SGIP1: variants seen among roughly 807,000 people sequenced by gnomAD.
The protein encoded by SGIP1 is SH3GL interacting endocytic adaptor 1, also known as SH3-containing GRB2-like protein 3-interacting protein 1.
In SGIP1, 38 loss-of-function variants were observed where a neutral mutation model predicts 107.5. The ratio of observed to expected loss-of-function variants is 0.35; its 90% CI spans 0.27 to 0.46. The LOEUF is 0.46. SGIP1 is among the 20% of genes least tolerant of loss of function. SGIP1 has a pLI of 1.00. For missense variants in SGIP1, 929 were observed against 1,019.5 expected, an observed-to-expected ratio of 0.91 and a Z score of 1.21; for synonymous variants, 365 against 366.1, an observed-to-expected ratio of 1.00 and a Z score of 0.03.
chr1:66,750,020 T>C lies in SGIP1; in HGVS notation c.*6925T>C, dbSNP rs2094602836. ...TTCTCTCTCTCTCTCTCTCTCTTTC[T>C]CTGTGTGTGTGTGGGGGTGTGTGTG... is the stretch of plus-strand genomic sequence containing the variant. On this transcript the variant is annotated 3_prime_UTR_variant, in exon 25 of 25. Transcript: ENST00000371037. Among the ~76,000 whole-genome samples, 1 of 82,092 alleles carries C rather than the reference T, an allele frequency of 1.2e-5. No individual in the cohort carries two copies. The highest frequency in any genetic ancestry group is 3.3e-4 in the South Asian group (1 of 3,066). 53.9% of individuals were successfully genotyped at this position (82,092 alleles called of 152,430 possible). A position where few individuals can be genotyped will look rare whatever the true frequency, so the allele number is the denominator to read the frequency against.
intron 18 of SGIP1, among the ~76,000 whole-genome samples, chr1:66,715,940 A>G (rs932444034): frequency 1.3e-5 from 2 of 152,208 alleles, no homozygotes; most frequent in African/African-American, 4.8e-5. Context: ...TGATCATCAT[A>G]AAAGTAGCTA....
intron 18 of SGIP1, among the ~76,000 whole-genome samples, chr1:66,702,955 G>A (rs1312387814): frequency 6.6e-6 from 1 of 152,160 alleles, no homozygotes; most frequent in African/African-American, 2.4e-5. Context: ...AACCAAATGG[G>A]GAACTAACAA....
rs528115926 is a variant in SGIP1 at position 66,632,301 on chromosome 1, G to A, written c.75-769G>A. On this transcript the variant is annotated intron_variant, in intron 2 of 24. Coordinates refer to ENST00000371037, the MANE Select transcript of SGIP1 (RefSeq NM_032291.4). ...AGTGCCACCATAGAATAGCTGCCCC[G>A]GGCTTTAGTCATCAGAAGGAGGCAT... 3.9e-5 allele frequency among the ~76,000 whole-genome samples: 6 copies of A among 152,248 alleles called. 1 individual carries two copies. Among genetic ancestry groups the A allele is most frequent in the Admixed American group, 2.0e-4 (3 of 15,288 alleles).
At chr1:66,581,729 C>A (rs564684097) in intron 1 of SGIP1, among the ~76,000 whole-genome samples, 3 of 151,918 alleles carry the variant, frequency 2.0e-5, no homozygotes, top group Non-Finnish European at 4.4e-5. Flanking sequence ...TTTTGTACTC[C>A]CTGCTGAAGA....
intron 12 of SGIP1, among the ~76,000 whole-genome samples, chr1:66,674,570 A>G (rs1031539858): frequency 6.6e-6 from 1 of 152,168 alleles, no homozygotes; most frequent in African/African-American, 2.4e-5. Flanking sequence ...TAACAAAGAG[A>G]CCCCAAGTAC....
At chr1:66,601,078 T>C (rs1008905019) in intron 1 of SGIP1, among the ~76,000 whole-genome samples, 1 of 152,092 alleles carries the variant, frequency 6.6e-6, no homozygotes, top group African/African-American at 2.4e-5. Context: ...TCAAAAGAAG[T>C]AAAGGCCGGG....
chr1:66,697,447 T>A lies in SGIP1; in HGVS notation c.1630+1954T>A, dbSNP rs570926327. Among the ~76,000 whole-genome samples, 18 of 152,332 alleles carry A rather than the reference T, an allele frequency of 1.2e-4. No individual in the cohort carries two copies. The South Asian group carries it at 3.5e-3, about 30-fold the overall frequency. On this transcript the variant is annotated intron_variant, in intron 18 of 24. Coordinates refer to ENST00000371037, the MANE Select transcript of SGIP1 (RefSeq NM_032291.4). ...AGAAATTAATTGGAATCTCTAGTACTGTATTATCTTAATCTTGGACTTTGT... is the reference window on the plus strand; with the variant it reads ...AGAAATTAATTGGAATCTCTAGTACAGTATTATCTTAATCTTGGACTTTGT...
chr1:66,663,673 T>TAC (rs1557522160), intron 8 of SGIP1, among the ~76,000 whole-genome samples: 1 of 152,206 alleles, frequency 6.6e-6, no homozygotes, highest in East Asian at 1.9e-4. Flanking sequence ...TTAATCAGCC[T>TAC]GTGACTACAT....
At chr1:66,721,544 G>A (rs998934622) in intron 19 of SGIP1, among the ~76,000 whole-genome samples, 2 of 152,100 alleles carry the variant, frequency 1.3e-5, no homozygotes, top group Non-Finnish European at 2.9e-5. Context: ...GAGTAGCTGG[G>A]ACTACAGGCA....
chr1:66,695,268 A>AAAAAAAAAAAAAC (rs965305282), intron 17 of SGIP1, 166 bp from the exon 18 acceptor site: 2 of 1,331,664 alleles, frequency 1.5e-6, no homozygotes, highest in African/African-American at 1.5e-5. Context: ...AAAAAAAAAA[A>AAAAAAAAAAAAAC]AAAGTGTAGA....
intron 1 of SGIP1, among the ~76,000 whole-genome samples, chr1:66,541,232 T>A (rs570489976): frequency 6.6e-6 from 1 of 152,370 alleles, no homozygotes; most frequent in Non-Finnish European, 1.5e-5. Flanking sequence ...GGCATTATTC[T>A]AAGTGCTATA....
Position 66,746,632 on chromosome 1 carries a change from ACT to A in SGIP1, c.*3540_*3541del. Reference sequence around the variant, plus strand: ...TCTTATCAATCAAAAAATTGTAAGTACTCTTTTTAATTCCTGTTTTACAAGTG... The same window carrying A: ...TCTTATCAATCAAAAAATTGTAAGTACTTTTTAATTCCTGTTTTACAAGTG... On this transcript the variant is annotated 3_prime_UTR_variant, in exon 25 of 25. Transcript: ENST00000371037. 6.6e-6 allele frequency: 1 copy of A among 152,052 alleles called. No individual in the cohort carries two copies. Among genetic ancestry groups the A allele is most frequent in the East Asian group, 1.9e-4 (1 of 5,190 alleles). 9.4% of individuals were successfully genotyped at this position (152,052 alleles called of 1,614,324 possible).
intron 8 of SGIP1, among the ~76,000 whole-genome samples, chr1:66,661,636 T>A (rs544679544): frequency 5.5e-4 from 83 of 152,202 alleles, no homozygotes; most frequent in Non-Finnish European, 1.1e-3. Flanking sequence ...CATCGCCTGT[T>A]CTGTGGCAGC....
chr1:66,690,937 G>A (rs540615139), intron 17 of SGIP1, among the ~76,000 whole-genome samples: 1 of 152,292 alleles, frequency 6.6e-6, no homozygotes, highest in South Asian at 2.1e-4. Context: ...AAAGTAAAGA[G>A]TTGAGAATGG....
At position 66,689,292 on chromosome 1, in the gene SGIP1, C is replaced by G; in HGVS notation, c.1443+17C>G. ...GGAGATGTGGTATGTTCCCTTCTGC[C>G]CTGGCTTGCTCAGAAACAGTGAGAA... On this transcript the variant is annotated intron_variant, in intron 16 of 24. Transcript: ENST00000371037. The G allele has an allele frequency of 6.2e-7, 1 of 1,610,578 alleles. No individual in the cohort carries two copies. Among genetic ancestry groups the G allele is most frequent in the South Asian group, 1.1e-5 (1 of 90,322 alleles).
intron 1 of SGIP1, among the ~76,000 whole-genome samples, chr1:66,599,423 G>A (rs2065326651): frequency 1.3e-5 from 2 of 152,144 alleles, no homozygotes; most frequent in Admixed American, 1.3e-4. Flanking sequence ...TGGGGCTACA[G>A]GGGCTAAGTG....
At chr1:66,559,010 G>T (rs1371619889) in intron 1 of SGIP1, among the ~76,000 whole-genome samples, 1 of 151,966 alleles carries the variant, frequency 6.6e-6, no homozygotes, top group Non-Finnish European at 1.5e-5. Context: ...CTGGGGATGA[G>T]GGAAAGGAGA....
rs149107930 is a variant in SGIP1 at position 66,721,936 on chromosome 1, C to G, written c.1742+2531C>G. Among the ~76,000 whole-genome samples, 305 of 152,224 alleles carry G rather than the reference C, an allele frequency of 2.0e-3. 1 individual carries two copies. The highest frequency in any genetic ancestry group is 6.9e-3 in the African/African-American group (285 of 41,534). On this transcript the variant is annotated intron_variant, in intron 19 of 24. Transcript: ENST00000371037. Reference sequence around the variant, plus strand: ...TGTCACTCTTCTGCTCAAAATCCTCCCATCTTGTTCAAAGTAAAAACAAAA... The same window carrying G: ...TGTCACTCTTCTGCTCAAAATCCTCGCATCTTGTTCAAAGTAAAAACAAAA...
chr1:66,673,472 T>C (rs1341046673), intron 12 of SGIP1, 106 bp downstream of exon 12: 1 of 1,042,648 alleles, frequency 9.6e-7, no homozygotes, highest in Non-Finnish European at 1.3e-6. Context: ...TAATATATTA[T>C]TTTCGTGGGA....
Sources: allele counts gnomAD v4.1 joint callset (sites outside exome capture counted in the v4.1 genomes callset), GRCh38; gene constraint gnomAD v4.1.1; transcripts MANE v1.5; gene names NCBI Gene and HGNC (gene_info 2026-07-23, HGNC 2026-07-21).